ZNF676: variants seen among roughly 807,000 people sequenced by gnomAD.
ZNF676 encodes zinc finger protein 676.
ZNF676 carries 4 observed loss-of-function variants against 6.0 expected under a neutral mutation model. The ratio of observed to expected loss-of-function variants is 0.67; its 90% CI spans 0.33 to 1.53. The LOEUF (loss-of-function observed/expected upper bound fraction) is 1.53. ZNF676 is among the 40% of genes most tolerant of loss of function. The pLI is 0.06. For missense variants in ZNF676, 644 were observed against 679.7 expected (o/e 0.95, Z 0.58); for synonymous variants, 198 against 223.1 (o/e 0.89, Z 1.00).
chr19:22,185,819 T>G lies in ZNF676; in HGVS notation c.131-4233A>C, dbSNP rs181634365. ...TCAGCTTAATGAAATAAAGCAAGAA[T>G]ACAAGATTAGAGAAAAAAGAATAAA... On this transcript the variant is annotated intron_variant, in intron 2 of 2. Transcript: ENST00000397121. Among the ~76,000 whole-genome samples the G allele has an allele frequency of 1.5e-3, 232 of 151,918 alleles. 1 individual carries two copies. The highest frequency in any genetic ancestry group is 5.5e-3 in the African/African-American group (229 of 41,446).
At chr19:22,199,151 T>G (rs1486264258), upstream of ZNF676, among the ~76,000 whole-genome samples, 1 of 152,164 alleles carries the variant, frequency 6.6e-6, no homozygotes, top group Non-Finnish European at 1.5e-5. Context: ...TATAAATGAC[T>G]TGGTAATTTT....
chr19:22,242,232 G>A, the ZNF676 span, among the ~76,000 whole-genome samples: 1 of 152,060 alleles, frequency 6.6e-6, no homozygotes. Context: ...CATCACATGA[G>A]TGCTGGGAAA....
chr19:22,201,204 G>T (rs1199473161), upstream of ZNF676, among the ~76,000 whole-genome samples: 1 of 152,144 alleles, frequency 6.6e-6, no homozygotes, highest in African/African-American at 2.4e-5. Flanking sequence ...TTGTGGTGTG[G>T]CTCTGGATAC....
the ZNF676 span, chr19:22,244,497 C>T: frequency 2.6e-5 from 4 of 152,214 alleles, no homozygotes; most frequent in Non-Finnish European, 4.4e-5. Flanking sequence ...ATATTTGTCA[C>T]AATCCCAACT....
chr19:22,214,348 C>T (rs2144833525), intron 1 of ZNF676, among the ~76,000 whole-genome samples: 1 of 152,264 alleles, frequency 6.6e-6, no homozygotes, highest in South Asian at 2.1e-4. Context: ...GGCGTGGCGG[C>T]TTACACCTGT....
the ZNF676 span, among the ~76,000 whole-genome samples, chr19:22,235,027 A>AGAAAGAAG: frequency 1.7e-5 from 1 of 59,850 alleles, no homozygotes; most frequent in Non-Finnish European, 3.4e-5. Context: ...AAAGAAAGAA[A>AGAAAGAAG]GAAAGAAAAG....
intron 2 of ZNF676, among the ~76,000 whole-genome samples, chr19:22,182,581 GTTC>G (rs1473237702): frequency 9.2e-5 from 2 of 21,684 alleles, no homozygotes; most frequent in Admixed American, 5.4e-4. Flanking sequence ...TATAGTCAAA[GTTC>G]TAAAAAAAAA....
chr19:22,196,004 T>G (rs559183865), intron 1 of ZNF676, among the ~76,000 whole-genome samples: 1 of 152,280 alleles, frequency 6.6e-6, no homozygotes, highest in Non-Finnish European at 1.5e-5. Flanking sequence ...AGTAATGCTG[T>G]TCTGTCTCTG....
chr19:22,240,474 T>C, the ZNF676 span, among the ~76,000 whole-genome samples: 104,440 of 151,744 alleles, frequency 0.69, 36,616 homozygotes, highest in South Asian at 0.84. Context: ...GGGCCACTAT[T>C]TTTTGTGTGA....
chr19:22,227,566 C>G, the ZNF676 span, among the ~76,000 whole-genome samples: 1 of 151,914 alleles, frequency 6.6e-6, no homozygotes, highest in Non-Finnish European at 1.5e-5. Context: ...ATTAATGATT[C>G]CAGGAGCTGG....
chr19:22,194,943 G>GA (rs1315898194), intron 1 of ZNF676, among the ~76,000 whole-genome samples: 1 of 152,126 alleles, frequency 6.6e-6, no homozygotes, highest in African/African-American at 2.4e-5. Flanking sequence ...GTCATTTGGG[G>GA]ACCTATACCA....
intron 2 of ZNF676, among the ~76,000 whole-genome samples, chr19:22,189,501 A>G (rs1351541290): frequency 6.6e-6 from 1 of 152,192 alleles, no homozygotes; most frequent in Non-Finnish European, 1.5e-5. Flanking sequence ...AATGGCAATG[A>G]AAGCCAAAAT....
chr19:22,181,548 G>T lies in ZNF676; in HGVS notation c.169C>A (p.Gln57Lys). Residue 57 changes from glutamine (Q) to lysine (K), a missense_variant, in exon 3 of 3, where the codon CAA (glutamine) becomes AAA (lysine). Transcript: ENST00000397121. ...TTTTGGAAAGAATCTTCTATGCCTT[G>T]CTCTGGCCAAAACTCTTGGGAAAAA... The part of the protein sequence containing the change: ...SHFSQEFWPE[Q>K]GIEDSFQKMI... The T allele has an allele frequency of 6.3e-7, 1 of 1,593,480 alleles. No individual in the cohort carries two copies.
the ZNF676 span, among the ~76,000 whole-genome samples, chr19:22,226,793 T>G: frequency 1.3e-5 from 2 of 152,112 alleles, no homozygotes; most frequent in Non-Finnish European, 2.9e-5. Context: ...GAGACGAGGT[T>G]TCACCATGTT....
At chr19:22,215,042 A>AC (rs2024168885) in intron 1 of ZNF676, among the ~76,000 whole-genome samples, 1 of 110,582 alleles carries the variant, frequency 9.0e-6, no homozygotes, top group Non-Finnish European at 1.8e-5. Flanking sequence ...CTCCATCTCA[A>AC]AAAAAAAAAA....
chr19:22,190,851 A>C (rs1342039139), intron 2 of ZNF676, among the ~76,000 whole-genome samples: 1 of 151,738 alleles, frequency 6.6e-6, no homozygotes, highest in Non-Finnish European at 1.5e-5. Flanking sequence ...TATAAAGATA[A>C]ATCTTGATAA....
upstream of ZNF676, among the ~76,000 whole-genome samples, chr19:22,198,631 C>A (rs1439909110): frequency 6.6e-6 from 1 of 152,130 alleles, no homozygotes; most frequent in Admixed American, 6.6e-5. Flanking sequence ...AGTGTCAGCA[C>A]CACAGGTCTA....
the ZNF676 span, among the ~76,000 whole-genome samples, chr19:22,233,821 T>C: frequency 6.6e-6 from 1 of 152,216 alleles, no homozygotes; most frequent in Non-Finnish European, 1.5e-5. Flanking sequence ...TGCTGAGTGA[T>C]GTCAACAAAA....
At chr19:22,219,341 C>T (rs1228708862), upstream of ZNF676, among the ~76,000 whole-genome samples, 1 of 151,906 alleles carries the variant, frequency 6.6e-6, no homozygotes, top group Admixed American at 6.6e-5. Context: ...TCAAGTGATC[C>T]ACCTGCCTCC....
Sources: gnomAD v4.1 joint callset for allele counts (sites outside exome capture counted in the v4.1 genomes callset) on GRCh38, gnomAD v4.1.1 for gene constraint, MANE v1.5 for transcripts, NCBI Gene and HGNC (gene_info 2026-07-23, HGNC 2026-07-21) for gene names.